The following RC3H2 variants were observed in gnomAD, a reference collection of about 807,000 sequenced individuals.
RC3H2 encodes the protein ring finger and CCCH-type domains 2.
Under a neutral mutation model 133.3 loss-of-function variants are expected in RC3H2, and 31 were observed. The observed-to-expected ratio is 0.23, with a 90% CI of 0.17 to 0.31. The LOEUF is 0.31. Among genes scored for constraint, RC3H2 ranks in the 10% least tolerant of loss-of-function variants. The probability of loss-of-function intolerance (pLI) is 1.00; values close to 1 mark genes in which losing one functional copy is unlikely to be tolerated. For missense variants in RC3H2, 1,175 were observed against 1,437.2 expected (o/e 0.82, Z 2.95); for synonymous variants, 517 against 502.2 (o/e 1.03, Z -0.40).
At chr9:122,879,493 A>C in intron 8 of RC3H2, among the ~76,000 whole-genome samples, 1 of 152,208 alleles carries the variant, frequency 6.6e-6, no homozygotes, top group Admixed American at 6.5e-5. Flanking sequence ...AATGAGACAA[A>C]ACGTTTGGAA....
intron 3 of RC3H2, among the ~76,000 whole-genome samples, chr9:122,892,176 AT>A (rs1832205718): frequency 6.6e-6 from 1 of 151,856 alleles, no homozygotes; most frequent in South Asian, 2.1e-4. Context: ...CAGTGGCACG[AT>A]CACAGCTCAC....
rs1288244857 is a variant in RC3H2 at position 122,865,555 on chromosome 9, G to A, written c.1428C>T (p.Val476=). 1 of 1,614,140 alleles carries A rather than the reference G, an allele frequency of 6.2e-7. No individual in the cohort carries two copies. The highest frequency in any genetic ancestry group is 8.5e-7 in the Non-Finnish European group (1 of 1,180,008). The change falls in exon 10 of 21, where the codon GTC becomes GTT. Residue 476 remains valine (V), a synonymous_variant. Coordinates refer to ENST00000357244, the MANE Select transcript of RC3H2 (RefSeq NM_001100588.3). The stretch of plus-strand genomic sequence containing the variant: ...TTTCAGTACTTCCTATGACAGAAAT[G>A]ACATTTCCGGCTGTGGTTGTGACAG... The part of the protein sequence containing the change: ...NNTVTTTAGN[V]ISVIGSTETT...
intron 4 of RC3H2, among the ~76,000 whole-genome samples, chr9:122,883,629 AT>A (rs1224991102): frequency 8.5e-5 from 13 of 152,200 alleles, no homozygotes; most frequent in African/African-American, 3.1e-4. Flanking sequence ...AACTTAAAAT[AT>A]ATTCTGTATT....
rs2131461212 is a variant in RC3H2 at position 122,880,626 on chromosome 9, G to A, written c.928C>T (p.His310Tyr). ...ATGATAGACTGCATGTGTGATTTAT[G>A]AGCCAAATCACCATACAAAAGAGAG... is the stretch of plus-strand genomic sequence containing the variant. ...WSSLLYGDLA[H>Y]KSHMQSIIDK... Residue 310 changes from histidine (H) to tyrosine (Y), a missense_variant, in exon 6 of 21, where the codon CAT becomes TAT. By Grantham distance (83) the His-to-Tyr change is moderately conservative (BLOSUM62 2). Around this residue, in one of 8 missense-constraint regions of RC3H2, gnomAD observed 131 missense variants for 154.2 expected, o/e 0.85. Transcript: ENST00000357244. The A allele has an allele frequency of 6.2e-7, 1 of 1,613,882 alleles. No individual in the cohort carries two copies. Among genetic ancestry groups the A allele is most frequent in the Non-Finnish European group, 8.5e-7 (1 of 1,179,878 alleles).
intron 10 of RC3H2, among the ~76,000 whole-genome samples, chr9:122,861,397 G>A (rs1021156661): frequency 2.0e-5 from 3 of 151,040 alleles, no homozygotes; most frequent in African/African-American, 7.3e-5. Flanking sequence ...GGCTGAGGCA[G>A]GAGAATCGCT....
At chr9:122,863,026 T>C (rs1055773764) in intron 10 of RC3H2, among the ~76,000 whole-genome samples, 1 of 152,296 alleles carries the variant, frequency 6.6e-6, no homozygotes, top group Non-Finnish European at 1.5e-5. Context: ...CACCACTAAT[T>C]CTGAAACATT....
rs934117134 is a variant in RC3H2 at position 122,848,213 on chromosome 9, T to C, written c.*1414A>G. The C allele has an allele frequency of 6.6e-6, 1 of 151,960 alleles. No homozygotes were observed. Among genetic ancestry groups the C allele is most frequent in the African/African-American group, 2.4e-5 (1 of 41,354 alleles). 9.4% of individuals were successfully genotyped at this position (151,960 alleles called of 1,614,324 possible). ...CTTGGCTTAAAATATTCCAGTACAA[T>C]TTTCAGAGTAAACAACTTCACAGAA... On this transcript the variant is annotated 3_prime_UTR_variant, in exon 21 of 21. Transcript: ENST00000357244.
intron 9 of RC3H2, among the ~76,000 whole-genome samples, chr9:122,868,915 T>TG (rs1305267420): frequency 4.2e-5 from 2 of 47,516 alleles, no homozygotes; most frequent in Non-Finnish European, 7.5e-5. Context: ...TTTTTTTTTG[T>TG]GGGGGGGTTA....
At chr9:122,890,648 G>C in intron 3 of RC3H2, 103 bp from the exon 4 acceptor site, 1 of 797,420 alleles carries the variant, frequency 1.3e-6, no homozygotes, top group South Asian at 1.9e-5. Flanking sequence ...TTCCTAATGA[G>C]TCCCTTGTAA....
intron 9 of RC3H2, among the ~76,000 whole-genome samples, chr9:122,877,177 C>T (rs1472461731): frequency 6.6e-6 from 1 of 152,102 alleles, no homozygotes; most frequent in Non-Finnish European, 1.5e-5. Flanking sequence ...TCAAGCAATC[C>T]TTCCACTTCA....
intron 8 of RC3H2, among the ~76,000 whole-genome samples, chr9:122,878,838 T>G (rs1462011337): frequency 1.3e-5 from 2 of 151,504 alleles, no homozygotes; most frequent in Non-Finnish European, 1.5e-5. Context: ...AGCCTCCATC[T>G]CCCGGGTTCA....
At position 122,854,018 on chromosome 9, in the gene RC3H2, G is replaced by A; in HGVS notation, c.3051C>T (p.Ser1017=). 1.2e-6 allele frequency: 2 copies of A among 1,614,166 alleles called. No homozygotes were observed. The highest frequency in any genetic ancestry group is 1.7e-6 in the Non-Finnish European group (2 of 1,180,036). Residue 1017 remains serine, a synonymous_variant, in exon 18 of 21, where the codon TCC becomes TCT. Coordinates refer to ENST00000357244, the MANE Select transcript of RC3H2 (RefSeq NM_001100588.3). ...NALAMQQKWN[S]LDEGRHLTLN... is the part of the protein sequence containing the mutation. ...AGGTAAGGTGACGGCCTTCATCCAG[G>A]GAATTCCACTTCTGTTGCATGGCCA... is the stretch of plus-strand genomic sequence containing the variant.
intron 11 of RC3H2, 74 bp from the exon 12 acceptor site, chr9:122,859,176 G>A: frequency 1.6e-6 from 2 of 1,236,362 alleles, no homozygotes; most frequent in Non-Finnish European, 2.2e-6. Flanking sequence ...TTAAATCTAA[G>A]GCAGCCCTTA....
chr9:122,856,006 T>G (rs1456474531), intron 13 of RC3H2, 128 bp from the exon 14 acceptor site: 3 of 653,292 alleles, frequency 4.6e-6, no homozygotes, highest in Non-Finnish European at 2.3e-6. Flanking sequence ...TTTCAATAAC[T>G]AATATAAAAA....
At chr9:122,867,927 G>A (rs1271349681) in intron 9 of RC3H2, among the ~76,000 whole-genome samples, 2 of 29,998 alleles carry the variant, frequency 6.7e-5, no homozygotes, top group East Asian at 5.1e-4. Flanking sequence ...CAGCCGCCCC[G>A]TCCGGGAGGG....
At chr9:122,870,388 AC>A (rs748665283) in intron 9 of RC3H2, among the ~76,000 whole-genome samples, 1 of 113,604 alleles carries the variant, frequency 8.8e-6, no homozygotes, top group Admixed American at 8.9e-5. Flanking sequence ...AAACAAACAA[AC>A]AAACAAACAA....
intron 9 of RC3H2, among the ~76,000 whole-genome samples, chr9:122,873,103 G>C (rs1457566358): frequency 1.3e-5 from 2 of 152,284 alleles, no homozygotes; most frequent in African/African-American, 2.4e-5. Context: ...GTGTATAATA[G>C]AGAAAGAAAA....
intron 18 of RC3H2, among the ~76,000 whole-genome samples, chr9:122,852,290 T>C (rs1248089778): frequency 7.5e-6 from 1 of 132,726 alleles, no homozygotes; most frequent in African/African-American, 3.0e-5. Flanking sequence ...GTGAGGAGCC[T>C]CTCCGCCCGG....
chr9:122,899,896 C>T (rs1412933994), intron 1 of RC3H2, among the ~76,000 whole-genome samples: 2 of 152,198 alleles, frequency 1.3e-5, no homozygotes, highest in African/African-American at 4.8e-5. Context: ...CACAGGCCAC[C>T]TGGTAGTACA....
Sources: allele counts gnomAD v4.1 joint callset (sites outside exome capture counted in the v4.1 genomes callset), GRCh38; gene constraint gnomAD v4.1.1; regional missense constraint gnomAD v4.1.1; transcripts MANE v1.5; gene names NCBI Gene and HGNC (gene_info 2026-07-23, HGNC 2026-07-21).